ZNF311: variants seen among roughly 807,000 people sequenced by gnomAD.
The protein encoded by ZNF311 is zinc finger protein 311, also known as zinc finger protein zfp31.
ZNF311 carries 14 observed loss-of-function variants against 22.7 expected under a neutral mutation model. The observed-to-expected ratio is 0.62, with a 90% CI of 0.41 to 0.96. The LOEUF is 0.96. Ranked by LOEUF, ZNF311 falls within the 40% of genes least tolerant of loss-of-function variation. ZNF311 has a pLI of 0.00. For synonymous variants in ZNF311, 250 were observed against 275.3 expected, an observed-to-expected ratio of 0.91 and a Z score of 0.91; for missense variants, 731 against 799.0, an observed-to-expected ratio of 0.91 and a Z score of 1.03.
intron 1 of ZNF311, 114 bp from the exon 2 acceptor site, chr6:29,004,328 C>T: frequency 1.6e-6 from 1 of 612,066 alleles, no homozygotes; most frequent in Non-Finnish European, 2.3e-6. Flanking sequence ...AGAATACAAT[C>T]TCAACGGCTA....
Position 28,998,808 on chromosome 6 carries a change from G to A in ZNF311, c.341C>T (p.Ser114Phe), listed in dbSNP as rs1779998586. Reference sequence around the variant, plus strand: ...GGGGTCTACTTCTCGCTCCAGATGAGAGATTAAAGGAGGTTTAGGAAATGG... The same window carrying A: ...GGGGTCTACTTCTCGCTCCAGATGAAAGATTAAAGGAGGTTTAGGAAATGG... The part of the protein sequence containing the change: ...GFPFPKPPLI[S>F]HLEREVDPCV... Residue 114 changes from serine (S) to phenylalanine (F), a missense_variant, in exon 6 of 7, where the codon TCT becomes TTT. Physicochemically the swap from Ser to Phe is radical, Grantham distance 155 (BLOSUM62 -2). Coordinates refer to ENST00000377179, the MANE Select transcript of ZNF311 (RefSeq NM_001382360.1). 2 of 1,612,852 alleles carry A rather than the reference G, an allele frequency of 1.2e-6. No individual in the cohort carries two copies. The highest frequency in any genetic ancestry group is 1.7e-6 in the Non-Finnish European group (2 of 1,180,012).
rs9280531 is a variant in ZNF311, at chr6:29,004,442, CTTTTTTTTTTTTTT to C, written c.-260-242_-260-229del. Among the ~76,000 whole-genome samples, 4 of 30,604 alleles carry C rather than the reference CTTTTTTTTTTTTTT, an allele frequency of 1.3e-4. No individual in the cohort carries two copies. In the African/African-American group the frequency reaches 1.4e-3, roughly 10 times the overall value. 20.1% of individuals were successfully genotyped at this position (30,604 alleles called of 152,430 possible). The stretch of plus-strand genomic sequence containing the variant: ...TCTTCAATCCTTGCCTTCCTCCTTT[CTTTTTTTTTTTTTT>C]TTTTTTTTTTTTTGAGACGGAGTCT... On this transcript the variant is annotated intron_variant, in intron 1 of 6. Transcript: ENST00000377179.
intron 1 of ZNF311, among the ~76,000 whole-genome samples, chr6:29,004,438 C>CTTTTTT: frequency 1.3e-4 from 4 of 30,060 alleles, no homozygotes; most frequent in Non-Finnish European, 2.0e-4. Flanking sequence ...TGCCTTCCTC[C>CTTTTTT]TTTCTTTTTT....
At chr6:28,998,867 G>A in intron 5 of ZNF311, 29 bp from the exon 6 acceptor site, 3 of 1,507,914 alleles carry the variant, frequency 2.0e-6, no homozygotes, top group Non-Finnish European at 1.8e-6. Context: ...TAAGTGTGTA[G>A]AGTAACTTAT....
Position 28,998,809 on chromosome 6 carries a change from A to C in ZNF311, c.340T>G (p.Ser114Ala), listed in dbSNP as rs1230332356. ...GGGTCTACTTCTCGCTCCAGATGAG[A>C]GATTAAAGGAGGTTTAGGAAATGGA... ...GFPFPKPPLI[S>A]HLEREVDPCV... The change falls in exon 6 of 7, where the codon TCT becomes GCT. Residue 114 changes from serine to alanine, a missense_variant. Physicochemically the swap from Ser to Ala is moderately conservative, Grantham distance 99 (BLOSUM62 1). Transcript: ENST00000377179. 1.2e-6 allele frequency: 2 copies of C among 1,612,860 alleles called. No individual in the cohort carries two copies. Among genetic ancestry groups the C allele is most frequent in the Non-Finnish European group, 1.7e-6 (2 of 1,180,004 alleles).
Position 28,995,771 on chromosome 6 carries a change from C to T in ZNF311, c.1231G>A (p.Gly411Arg). The change falls in exon 7 of 7, where the codon GGG (glycine) becomes AGG (arginine). Residue 411 changes from glycine (G) to arginine (R), a missense_variant. By Grantham distance (125) the Gly-to-Arg change is moderately radical. Coordinates refer to ENST00000377179, the MANE Select transcript of ZNF311 (RefSeq NM_001382360.1). This position sits in a 1 kb window ranked among gnomAD's most constrained non-coding sequence, Gnocchi z 4.7. ...TTGCTGCACTCATAAGGTCGTTCCCCAGTGTGGATTCTTATGTGTTTGGTG... is the reference window on the plus strand; with the variant it reads ...TTGCTGCACTCATAAGGTCGTTCCCTAGTGTGGATTCTTATGTGTTTGGTG... ...DLTKHIRIHT[G>R]ERPYECSKCG... 1 of 1,613,952 alleles carries T rather than the reference C, an allele frequency of 6.2e-7. No homozygotes were observed. Among genetic ancestry groups the T allele is most frequent in the Non-Finnish European group, 8.5e-7 (1 of 1,180,028 alleles).
chr6:29,003,572 G>C lies in ZNF311; in HGVS notation c.32C>G (p.Ser11Ter). 1 of 1,612,970 alleles carries C rather than the reference G, an allele frequency of 6.2e-7. No individual in the cohort carries two copies. Among genetic ancestry groups the C allele is most frequent in the African/African-American group, 1.3e-5 (1 of 74,996 alleles). ...CCAAAGCAGCTGGCTTGGTGGTCCT[G>C]AACTCTCATCCAACAGCACAACCTA... Reference protein sequence around the residue: MQEVVLLDESSGPPSQLLWTR... With the variant: MQEVVLLDES The change falls in exon 3 of 7, where the codon TCA (serine) becomes TGA (stop). Residue 11 changes from serine to a stop codon, truncating the protein, a stop_gained. Transcript: ENST00000377179. LOFTEE classifies it high-confidence loss of function.
At chr6:28,998,370 T>G (rs1199999458) in intron 6 of ZNF311, among the ~76,000 whole-genome samples, 1 of 151,950 alleles carries the variant, frequency 6.6e-6, no homozygotes, top group Non-Finnish European at 1.5e-5. Flanking sequence ...TTTTGTATTT[T>G]TAGTAGAGAT....
In ZNF311 at chr6:28,995,046, C is replaced by T. The variant is rs1779267458; in HGVS notation, c.1956G>A (p.Val652=). Residue 652 remains valine, a synonymous_variant, in exon 7 of 7, where the codon GTG becomes GTA. Transcript: ENST00000377179. The surrounding 1 kb of genome is among the most constrained non-coding windows in gnomAD (Gnocchi z 4.7). The stretch of plus-strand genomic sequence containing the variant: ...TGACTACTGAGGTCTGAGAAACAGT[C>T]ACTGGAGAGAGGGATTTCCTACTCC... ...LDGSRKSLSP[V]TVSQTSVVSI... 6.2e-7 allele frequency: 1 copy of T among 1,612,548 alleles called. No homozygotes were observed.
chr6:29,003,701 A>T, intron 2 of ZNF311, 107 bp from the exon 3 acceptor site: 1 of 1,451,998 alleles, frequency 6.9e-7, no homozygotes, highest in South Asian at 1.2e-5. Flanking sequence ...GTCTCCCAGA[A>T]ATACCAAAAG....
At chr6:29,005,371 G>C (rs920960946), upstream of ZNF311, 1 of 151,690 alleles carries the variant, frequency 6.6e-6, no homozygotes, top group African/African-American at 2.4e-5. Context: ...AGGGCAAATG[G>C]GCGGGAAATG....
chr6:29,003,655 G>A (rs1419387371), intron 2 of ZNF311, 61 bp from the exon 3 acceptor site: 22 of 1,574,380 alleles, frequency 1.4e-5, no homozygotes, highest in Non-Finnish European at 1.9e-5. Flanking sequence ...TACATAGGAA[G>A]ATGCAAGCAA....
chr6:29,001,437 A>C (rs186260182), intron 3 of ZNF311, among the ~76,000 whole-genome samples: 1 of 152,330 alleles, frequency 6.6e-6, no homozygotes, highest in Non-Finnish European at 1.5e-5. Flanking sequence ...CATCTCAGTC[A>C]TGGTGGTTCC....
At chr6:28,996,925 T>G (rs540044677) in intron 6 of ZNF311, among the ~76,000 whole-genome samples, 40 of 152,206 alleles carry the variant, frequency 2.6e-4, no homozygotes, top group Non-Finnish European at 4.9e-4. Flanking sequence ...AAATTCTACC[T>G]GTGAAGAGAG....
At chr6:29,003,659 C>T in intron 2 of ZNF311, 65 bp from the exon 3 acceptor site, 1 of 1,563,026 alleles carries the variant, frequency 6.4e-7, no homozygotes, top group African/African-American at 1.4e-5. Flanking sequence ...TAGGAAGATG[C>T]AAGCAACCAT....
At position 29,003,512 on chromosome 6, in the gene ZNF311, C is replaced by T. The variant is rs1780741431; in HGVS notation, c.91+1G>A. The T allele has an allele frequency of 1.2e-6, 2 of 1,612,946 alleles. No homozygotes were observed. Among genetic ancestry groups the T allele is most frequent in the Non-Finnish European group, 1.7e-6 (2 of 1,180,012 alleles). ...CTGCCACAATCTCCTGTGTATCTCACCGCTTTCCTGAGGGAGCTGGGTATC... is the reference window on the plus strand; with the variant it reads ...CTGCCACAATCTCCTGTGTATCTCATCGCTTTCCTGAGGGAGCTGGGTATC... On this transcript the variant is annotated splice_donor_variant, in intron 3 of 6. Transcript: ENST00000377179. LOFTEE classifies it high-confidence loss of function.
rs1779669926 is a variant in ZNF311, at chr6:28,996,807, A to G, written c.416-221T>C. Among the ~76,000 whole-genome samples the G allele has an allele frequency of 2.0e-5, 3 of 152,256 alleles. No homozygotes were observed. In the South Asian group the frequency reaches 6.2e-4, roughly 31 times the overall value. ...CCTTAAAAACCTATTCCTCCTCTAT[A>G]GTCTCCTAGTTTAGTGAGTGTAAAC... On this transcript the variant is annotated intron_variant, in intron 6 of 6. Coordinates refer to ENST00000377179, the MANE Select transcript of ZNF311 (RefSeq NM_001382360.1).
chr6:28,998,536 G>T (rs1779956025), intron 6 of ZNF311, among the ~76,000 whole-genome samples, 198 bp downstream of exon 6: 1 of 152,136 alleles, frequency 6.6e-6, no homozygotes, highest in South Asian at 2.1e-4. Flanking sequence ...CTATTAGATA[G>T]GTTGCAAAGA....
Position 28,996,372 on chromosome 6 carries a change from A to G in ZNF311, c.630T>C (p.Ser210=). 6.2e-7 allele frequency: 1 copy of G among 1,611,776 alleles called. No individual in the cohort carries two copies. The highest frequency in any genetic ancestry group is 8.5e-7 in the Non-Finnish European group (1 of 1,179,968). Residue 210 remains serine (S), a synonymous_variant, in exon 7 of 7, where the codon TCT becomes TCC. Transcript: ENST00000377179. The part of the protein sequence containing the change: ...REKLREEKEG[S]EEVTCKKGKN... Reference sequence around the variant, plus strand: ...TTCCTTTTTTGCAGGTCACTTCCTCAGAGCCTTCTTTCTCTTCTCTCAGTT... The same window carrying G: ...TTCCTTTTTTGCAGGTCACTTCCTCGGAGCCTTCTTTCTCTTCTCTCAGTT...
Sources: allele counts gnomAD v4.1 joint callset (sites outside exome capture counted in the v4.1 genomes callset), GRCh38; gene constraint gnomAD v4.1.1; non-coding constraint Gnocchi (gnomAD v3.1); transcripts MANE v1.5; gene names NCBI Gene and HGNC (gene_info 2026-07-23, HGNC 2026-07-21).